Variants in FUT1 observed in about 807,000 individuals in gnomAD.
FUT1 encodes fucosyltransferase 1 (H blood group).
For synonymous variants in FUT1, 215 were observed against 208.7 expected (o/e 1.03, Z -0.26); for missense variants, 476 against 492.7 (o/e 0.97, Z 0.32).
At chr19:48,751,318 T>TGAGGCTGAGGAGGG in intron 1 of FUT1, 35 bp from the exon 2 acceptor site, 4 of 1,608,484 alleles carry the variant, frequency 2.5e-6, no homozygotes, top group Non-Finnish European at 3.4e-6. Context: ...GCAAATGCTC[T>TGAGGCTGAGGAGGG]GAGGCTGAGG....
At position 48,750,231 on chromosome 19, in the gene FUT1, C is replaced by T. The variant is rs2033972425; in HGVS notation, c.1051G>A (p.Gly351Ser). The T allele has an allele frequency of 1.2e-6, 2 of 1,612,656 alleles. No individual in the cohort carries two copies. Among genetic ancestry groups the T allele is most frequent in the South Asian group, 1.1e-5 (1 of 90,846 alleles). Reference sequence around the variant, plus strand: ...AGTGGAGACAAGTCTGCATTAATGCCCACCCACTCGGGCAGGAAGGCCGCC... The same window carrying T: ...AGTGGAGACAAGTCTGCATTAATGCTCACCCACTCGGGCAGGAAGGCCGCC... ...PEAAFLPEWV[G>S]INADLSPLWT... The change falls in exon 2 of 2, where the codon GGC becomes AGC. Residue 351 changes from glycine to serine, a missense_variant. Transcript: ENST00000645652.
Position 48,750,301 on chromosome 19 carries a change from G to A in FUT1, c.981C>T (p.Asn327=), listed in dbSNP as rs769236655. The part of the protein sequence containing the change: ...LAGGDTVYLA[N]FTLPDSEFLK... ...GGAACTCAGAGTCTGGCAGGGTGAA[G>A]TTGGCCAGGTAGACAGTGTCTCCGC... Residue 327 remains asparagine, a synonymous_variant, in exon 2 of 2, where the codon AAC becomes AAT. Coordinates refer to ENST00000645652, the MANE Select transcript of FUT1 (RefSeq NM_001384359.1). 1.4e-5 allele frequency: 22 copies of A among 1,614,190 alleles called. No homozygotes were observed. Among genetic ancestry groups the A allele is most frequent in the Non-Finnish European group, 1.7e-5 (20 of 1,180,038 alleles).
rs1282491433 is a variant in FUT1, at chr19:48,752,053, C to T, written c.-3+437G>A. Among the ~76,000 whole-genome samples the T allele has an allele frequency of 6.7e-6, 1 of 148,904 alleles. No homozygotes were observed. Among genetic ancestry groups the T allele is most frequent in the Admixed American group, 6.8e-5 (1 of 14,710 alleles). On this transcript the variant is annotated intron_variant, in intron 1 of 1. Coordinates refer to ENST00000645652, the MANE Select transcript of FUT1 (RefSeq NM_001384359.1). The surrounding 1 kb of genome is among the most constrained non-coding windows in gnomAD (Gnocchi z 4.3). The stretch of plus-strand genomic sequence containing the variant: ...GAGGATCCCCGGAGCTCACAATGAG[C>T]CGCGATAGCACCGCTGACTGCACTC...
Position 48,750,451 on chromosome 19 carries a change from G to A in FUT1, c.831C>T (p.Gly277=), listed in dbSNP as rs2033978061. Residue 277 remains glycine (G), a synonymous_variant, in exon 2 of 2, where the codon GGC becomes GGT. Coordinates refer to ENST00000645652, the MANE Select transcript of FUT1 (RefSeq NM_001384359.1). ...WCKENIDTSQ[G]DVTFAGDGQE... ...GTCCATCGCCAGCAAACGTCACATC[G>A]CCCTGGGAGGTGTCGATGTTTTCTT... The A allele has an allele frequency of 6.8e-6, 11 of 1,614,200 alleles. No individual in the cohort carries two copies. The East Asian group carries it at 2.5e-4, about 36-fold the overall frequency.
Position 48,750,533 on chromosome 19 carries a change from C to G in FUT1, c.749G>C (p.Arg250Pro), listed in dbSNP as rs558351055. 3.7e-6 allele frequency: 6 copies of G among 1,613,420 alleles called. No individual in the cohort carries two copies. The South Asian group carries it at 6.6e-5, about 18-fold the overall frequency. The stretch of plus-strand genomic sequence containing the variant: ...GAAAACGGGGGCTTCGTGCCGTGCC[C>G]GGAACCAGTCCATGGCCTGCCGGAG... The part of the protein sequence containing the change: ...AYLRQAMDWF[R>P]ARHEAPVFVV... Residue 250 changes from arginine to proline, a missense_variant, in exon 2 of 2, where the codon CGG becomes CCG. Physicochemically the swap from Arg to Pro is moderately radical, Grantham distance 103. Coordinates refer to ENST00000645652, the MANE Select transcript of FUT1 (RefSeq NM_001384359.1).
upstream of FUT1, chr19:48,753,229 C>G (rs1435603082): frequency 6.6e-6 from 1 of 152,310 alleles, no homozygotes. Context: ...CCACACCCCC[C>G]GCCTCACCGT....
Position 48,752,136 on chromosome 19 carries a change from A to ATT in FUT1, c.-3+353_-3+354insAA, listed in dbSNP as rs1274712835. Among the ~76,000 whole-genome samples the ATT allele has an allele frequency of 1.4e-5, 2 of 146,316 alleles. No homozygotes were observed. Among genetic ancestry groups the ATT allele is most frequent in the Non-Finnish European group, 3.0e-5 (2 of 66,718 alleles). ...AAAAAAAAAAAAAAAAAAAAAAAAGAAAGTGGTCCAGGTTCCTACACCTTT... is the reference window on the plus strand; with the variant it reads ...AAAAAAAAAAAAAAAAAAAAAAAAGATTAAGTGGTCCAGGTTCCTACACCTTT... On this transcript the variant is annotated intron_variant, in intron 1 of 1. Transcript: ENST00000645652. The surrounding 1 kb of genome is among the most constrained non-coding windows in gnomAD (Gnocchi z 4.3).
In FUT1 at chr19:48,750,278, A is replaced by G; in HGVS notation, c.1004T>C (p.Phe335Ser). The G allele has an allele frequency of 6.2e-7, 1 of 1,614,172 alleles. No individual in the cohort carries two copies. The highest frequency in any genetic ancestry group is 8.5e-7 in the Non-Finnish European group (1 of 1,180,022). ...LANFTLPDSE[F>S]LKIFKPEAAF... Reference sequence around the variant, plus strand: ...CGCCTCCGGCTTAAAGATCTTCAGGAACTCAGAGTCTGGCAGGGTGAAGTT... The same window carrying G: ...CGCCTCCGGCTTAAAGATCTTCAGGGACTCAGAGTCTGGCAGGGTGAAGTT... Residue 335 changes from phenylalanine (F) to serine (S), a missense_variant, in exon 2 of 2, where the codon TTC (phenylalanine) becomes TCC (serine). By Grantham distance (155) the Phe-to-Ser change is radical. Coordinates refer to ENST00000645652, the MANE Select transcript of FUT1 (RefSeq NM_001384359.1).
upstream of FUT1, among the ~76,000 whole-genome samples, chr19:48,754,574 G>C (rs1302371403): frequency 1.3e-5 from 2 of 152,032 alleles, no homozygotes; most frequent in African/African-American, 4.8e-5. Context: ...ATACCCACCG[G>C]TTGTTTCCTG....
At chr19:48,754,117 C>T (rs183364466), upstream of FUT1, among the ~76,000 whole-genome samples, 341 of 143,822 alleles carry the variant, frequency 2.4e-3, 1 homozygote, top group African/African-American at 7.7e-3. Flanking sequence ...ACCCAGGAGG[C>T]GGAGATTGCA....
At position 48,751,070 on chromosome 19, in the gene FUT1, G is replaced by T; in HGVS notation, c.212C>A (p.Pro71His). The T allele has an allele frequency of 6.2e-7, 1 of 1,608,442 alleles. No individual in the cohort carries two copies. Among genetic ancestry groups the T allele is most frequent in the Non-Finnish European group, 8.5e-7 (1 of 1,176,030 alleles). Residue 71 changes from proline (P) to histidine (H), a missense_variant, in exon 2 of 2, where the codon CCC becomes CAC. Pro to His is a moderately conservative substitution (Grantham distance 77). Coordinates refer to ENST00000645652, the MANE Select transcript of FUT1 (RefSeq NM_001384359.1). ...AMGPNASSSC[P>H]QHPASLSGTW... ...GCCGGAGAGGGAAGCAGGGTGCTGG[G>T]GACAGGAAGAGGAGGCGTTGGGGCC...
At chr19:48,752,794 T>A, upstream of FUT1, 1 of 985,234 alleles carries the variant, frequency 1.0e-6, no homozygotes, top group South Asian at 4.7e-5. The surrounding 1 kb of genome is among the most constrained non-coding windows in gnomAD (Gnocchi z 4.3). Context: ...CGATGGCCCC[T>A]GGGCCCACCG....
upstream of FUT1, among the ~76,000 whole-genome samples, chr19:48,754,265 G>A (rs571703246): frequency 6.6e-6 from 1 of 152,284 alleles, no homozygotes; most frequent in African/African-American, 2.4e-5. Context: ...AGGAGTACGG[G>A]AGGAAAATGC....
Position 48,751,200 on chromosome 19 carries a change from G to A in FUT1, c.82C>T (p.His28Tyr). The A allele has an allele frequency of 6.2e-7, 1 of 1,614,194 alleles. No individual in the cohort carries two copies. The highest frequency in any genetic ancestry group is 2.2e-5 in the East Asian group (1 of 44,886). ...VLSVIFFLHI[H>Y]QDSFPHGLGL... ...AGGCCATGTGGAAAGCTGTCTTGAT[G>A]GATATGGAGGAAGAAGATTACAGAG... Residue 28 changes from histidine to tyrosine, a missense_variant, in exon 2 of 2, where the codon CAT becomes TAT. Transcript: ENST00000645652.
chr19:48,750,380 T>C lies in FUT1; in HGVS notation c.902A>G (p.Asn301Ser). 6.2e-7 allele frequency: 1 copy of C among 1,614,152 alleles called. No homozygotes were observed. Residue 301 changes from asparagine (N) to serine (S), a missense_variant, in exon 2 of 2, where the codon AAC (asparagine) becomes AGC (serine). Coordinates refer to ENST00000645652, the MANE Select transcript of FUT1 (RefSeq NM_001384359.1). ...GGTGCCAATGGTCATAATGGTGTGG[T>C]TGCACTGTGTGAGCAGGGCAAAGTC... ...WKDFALLTQC[N>S]HTIMTIGTFG...
In FUT1 at chr19:48,751,140, C is replaced by T. The variant is rs1431946890; in HGVS notation, c.142G>A (p.Val48Met). 1 of 1,613,810 alleles carries T rather than the reference C, an allele frequency of 6.2e-7. No homozygotes were observed. Among genetic ancestry groups the T allele is most frequent in the African/African-American group, 1.3e-5 (1 of 74,908 alleles). ...CAGAAGATGGCCACTGGGGGTGTCA[C>T]CAGGCGGCGGTCTGGACACAGGATC... Reference protein sequence around the residue: ...LSILCPDRRLVTPPVAIFCLP... With the variant: ...LSILCPDRRLMTPPVAIFCLP... The change falls in exon 2 of 2, where the codon GTG (valine) becomes ATG (methionine). Residue 48 changes from valine (V) to methionine (M), a missense_variant. Val to Met is a conservative substitution (Grantham distance 21, BLOSUM62 1). Coordinates refer to ENST00000645652, the MANE Select transcript of FUT1 (RefSeq NM_001384359.1).
chr19:48,750,457 G>C lies in FUT1; in HGVS notation c.825C>G (p.Ser275=). 1 of 1,614,212 alleles carries C rather than the reference G, an allele frequency of 6.2e-7. No individual in the cohort carries two copies. Among genetic ancestry groups the C allele is most frequent in the Non-Finnish European group, 8.5e-7 (1 of 1,180,046 alleles). ...MEWCKENIDT[S]QGDVTFAGDG... ...CGCCAGCAAACGTCACATCGCCCTG[G>C]GAGGTGTCGATGTTTTCTTTACACC... Residue 275 remains serine, a synonymous_variant, in exon 2 of 2, where the codon TCC becomes TCG. Coordinates refer to ENST00000645652, the MANE Select transcript of FUT1 (RefSeq NM_001384359.1).
chr19:48,748,496 G>T lies in FUT1; in HGVS notation c.*1688C>A, dbSNP rs544983716. The T allele has an allele frequency of 1.0e-3, 153 of 152,452 alleles. No homozygotes were observed. The highest frequency in any genetic ancestry group is 2.7e-3 in the Admixed American group (41 of 15,294). 9.4% of individuals were successfully genotyped at this position (152,452 alleles called of 1,614,324 possible). A position where few individuals can be genotyped will look rare whatever the true frequency, so the allele number is the denominator to read the frequency against. On this transcript the variant is annotated 3_prime_UTR_variant, in exon 2 of 2. Transcript: ENST00000645652. ...CAGACAAAGACCAACTTCCTTCATT[G>T]TGAGAGGCAACCTGAACTCACACCC...
intron 1 of FUT1, 138 bp from the exon 2 acceptor site, chr19:48,751,421 C>T (rs1296843785): frequency 1.1e-6 from 1 of 925,632 alleles, no homozygotes; most frequent in African/African-American, 1.7e-5. Context: ...GGTTTAGACT[C>T]CTGGGGCTGA....
Sources: gnomAD v4.1 joint callset for allele counts (sites outside exome capture counted in the v4.1 genomes callset) on GRCh38, gnomAD v4.1.1 for gene constraint, Gnocchi (gnomAD v3.1) non-coding constraint, MANE v1.5 for transcripts, NCBI Gene and HGNC (gene_info 2026-07-23, HGNC 2026-07-21) for gene names.